AUTS2: variants seen among roughly 807,000 people sequenced by gnomAD.
AUTS2 encodes autism susceptibility gene 2 protein.
A neutral mutation model predicts 112.4 loss-of-function variants in AUTS2; 17 were observed. The observed-to-expected ratio is 0.15, with a 90% CI of 0.10 to 0.23. The LOEUF (loss-of-function observed/expected upper bound fraction) is 0.23. AUTS2 is among the 10% of genes least tolerant of loss of function. AUTS2 has a pLI of 1.00. For synonymous variants in AUTS2, 751 were observed against 702.7 expected (o/e 1.07, Z -1.09); for missense variants, 1,510 against 1,701.6 (o/e 0.89, Z 1.98).
intron 5 of AUTS2, among the ~76,000 whole-genome samples, chr7:70,673,974 T>C (rs1807778893): frequency 6.6e-6 from 1 of 152,244 alleles, no homozygotes; most frequent in Non-Finnish European, 1.5e-5. Context: ...GATCCTGAGC[T>C]TCAGAGATGA....
At chr7:70,629,255 G>T (rs1805128807) in intron 5 of AUTS2, among the ~76,000 whole-genome samples, 1 of 152,198 alleles carries the variant, frequency 6.6e-6, no homozygotes, top group Non-Finnish European at 1.5e-5. Context: ...AGGATCACCT[G>T]AGCTCAAGAG....
intron 4 of AUTS2, among the ~76,000 whole-genome samples, chr7:70,325,497 A>G (rs1488955776): frequency 2.6e-5 from 4 of 152,130 alleles, no homozygotes; most frequent in Non-Finnish European, 5.9e-5. Flanking sequence ...TGTCCTAGAT[A>G]TGGGCGTCAC....
At chr7:69,912,316 G>C (rs1359303673) in intron 2 of AUTS2, among the ~76,000 whole-genome samples, 1 of 150,302 alleles carries the variant, frequency 6.7e-6, no homozygotes, top group Non-Finnish European at 1.5e-5. Context: ...AGGGATGCCT[G>C]GGTCTGGAGC....
chr7:70,003,180 A>C (rs1395239524), intron 2 of AUTS2, among the ~76,000 whole-genome samples: 6 of 122,954 alleles, frequency 4.9e-5, no homozygotes, highest in East Asian at 2.2e-4. Flanking sequence ...TATTATATGA[A>C]TATATTATAT....
chr7:70,508,260 C>T (rs893286705), intron 5 of AUTS2, among the ~76,000 whole-genome samples: 1 of 151,120 alleles, frequency 6.6e-6, no homozygotes, highest in African/African-American at 2.4e-5. Context: ...ATTAATAGTG[C>T]TGTCAAAAAG....
rs548999040 is a variant in AUTS2 at position 69,704,060 on chromosome 7, T to C, written c.309+104098T>C. Among the ~76,000 whole-genome samples the C allele has an allele frequency of 2.6e-5, 4 of 152,300 alleles. No homozygotes were observed. The East Asian group carries it at 7.7e-4, about 29-fold the overall frequency. The stretch of plus-strand genomic sequence containing the variant: ...CCTCTCTGTCATCCTTTTCTCTGGC[T>C]CTGTCACTTGCATTTGCCCCCTGAC... On this transcript the variant is annotated intron_variant, in intron 1 of 18. Coordinates refer to ENST00000342771, the MANE Select transcript of AUTS2 (RefSeq NM_015570.4).
At chr7:70,465,972 T>A (rs1323872625) in intron 5 of AUTS2, among the ~76,000 whole-genome samples, 2 of 151,754 alleles carry the variant, frequency 1.3e-5, no homozygotes, top group African/African-American at 4.8e-5. Context: ...GGGCAGAAGG[T>A]GGGTAGAGGT....
chr7:70,374,641 C>T (rs1412551738), intron 4 of AUTS2, among the ~76,000 whole-genome samples: 1 of 152,134 alleles, frequency 6.6e-6, no homozygotes, highest in African/African-American at 2.4e-5. Flanking sequence ...AGATGAGTAA[C>T]CTTTCAACTG....
chr7:70,151,958 A>AT (rs1188511546), intron 4 of AUTS2, among the ~76,000 whole-genome samples: 1 of 152,222 alleles, frequency 6.6e-6, no homozygotes, highest in African/African-American at 2.4e-5. Flanking sequence ...TTTAAAAATT[A>AT]TAGTGGTATT....
chr7:69,872,989 C>T lies in AUTS2; in HGVS notation c.310-26297C>T, dbSNP rs1336411012. On this transcript the variant is annotated intron_variant, in intron 1 of 18. Coordinates refer to ENST00000342771, the MANE Select transcript of AUTS2 (RefSeq NM_015570.4). ...TCCCGAGTAGCTGGGATTACAGGCACGCACCATCACACCCAGATAATTTTT... is the reference window on the plus strand; with the variant it reads ...TCCCGAGTAGCTGGGATTACAGGCATGCACCATCACACCCAGATAATTTTT... Among the ~76,000 whole-genome samples the T allele has an allele frequency of 4.6e-5, 7 of 150,574 alleles. No homozygotes were observed. In the East Asian group the frequency reaches 9.7e-4, roughly 21 times the overall value.
intron 4 of AUTS2, among the ~76,000 whole-genome samples, chr7:70,388,858 CT>C (rs201908650): frequency 0.018 from 2,678 of 151,712 alleles, 27 homozygotes; most frequent in African/African-American, 0.032. Flanking sequence ...AAAATTAAAT[CT>C]TTTTTTTTAT....
intron 6 of AUTS2, among the ~76,000 whole-genome samples, chr7:70,727,100 T>G (rs1277183648): frequency 6.6e-6 from 1 of 152,156 alleles, no homozygotes; most frequent in East Asian, 1.9e-4. Flanking sequence ...TAATGTAACT[T>G]TCAGAACCTC....
At chr7:70,295,417 C>G (rs1383523462) in intron 4 of AUTS2, among the ~76,000 whole-genome samples, 2 of 152,174 alleles carry the variant, frequency 1.3e-5, no homozygotes, top group Non-Finnish European at 2.9e-5. Context: ...AATGCTGACT[C>G]CTACTGCTTA....
chr7:69,946,555 GATACACAC>G (rs1796817084), intron 2 of AUTS2, among the ~76,000 whole-genome samples: 1 of 108,326 alleles, frequency 9.2e-6, no homozygotes, highest in East Asian at 2.9e-4. Context: ...AATGTGATGT[GATACACAC>G]ACACACACAC....
chr7:69,625,977 G>A (rs1408067570), intron 1 of AUTS2, among the ~76,000 whole-genome samples: 1 of 152,206 alleles, frequency 6.6e-6, no homozygotes, highest in Non-Finnish European at 1.5e-5. Flanking sequence ...TGGTGTGAAG[G>A]AATGGCATGC....
intron 1 of AUTS2, among the ~76,000 whole-genome samples, chr7:69,621,082 A>G (rs368498891): frequency 1.3e-5 from 2 of 152,190 alleles, no homozygotes; most frequent in African/African-American, 4.8e-5. Context: ...GATAATAATA[A>G]TGAGAACAAG....
intron 1 of AUTS2, among the ~76,000 whole-genome samples, chr7:69,874,590 G>A (rs976283564): frequency 6.6e-6 from 1 of 152,164 alleles, no homozygotes; most frequent in African/African-American, 2.4e-5. Flanking sequence ...TCACAGTGAG[G>A]TGGACAACAG....
At chr7:70,521,039 A>G (rs1799623048) in intron 5 of AUTS2, among the ~76,000 whole-genome samples, 1 of 152,062 alleles carries the variant, frequency 6.6e-6, no homozygotes, top group Non-Finnish European at 1.5e-5. Flanking sequence ...TTCCTCAGGG[A>G]CAGAATCCAT....
At chr7:69,865,507 A>T (rs1793182358) in intron 1 of AUTS2, among the ~76,000 whole-genome samples, 1 of 152,118 alleles carries the variant, frequency 6.6e-6, no homozygotes, top group Non-Finnish European at 1.5e-5. Context: ...AAAACCCTCT[A>T]ATTTCCTAGT....
Sources: allele counts gnomAD v4.1 joint callset (sites outside exome capture counted in the v4.1 genomes callset), GRCh38; gene constraint gnomAD v4.1.1; transcripts MANE v1.5; gene names NCBI Gene and HGNC (gene_info 2026-07-23, HGNC 2026-07-21).